MORC1: variants seen among roughly 807,000 people sequenced by gnomAD.
MORC1 encodes the protein MORC family CW-type zinc finger protein 1.
A neutral mutation model predicts 134.9 loss-of-function variants in MORC1; 59 were observed. The observed-to-expected ratio is 0.44, with a 90% CI of 0.35 to 0.54. MORC1 has a LOEUF of 0.54. Ranked by LOEUF, MORC1 falls within the 20% of genes least tolerant of loss-of-function variation. MORC1 has a pLI of 0.00. For synonymous variants in MORC1, 395 were observed against 391.7 expected (o/e 1.01, Z -0.10); for missense variants, 947 against 1,134.5 (o/e 0.83, Z 2.37).
At chr3:109,034,739 C>T (rs2107614813) in intron 15 of MORC1, among the ~76,000 whole-genome samples, 1 of 124,182 alleles carries the variant, frequency 8.1e-6, no homozygotes, top group Middle Eastern at 3.7e-3. Context: ...TATCAAAATT[C>T]TATTTTAATT....
intron 19 of MORC1, 47 bp from the exon 20 acceptor site, chr3:109,004,935 T>C: frequency 1.3e-6 from 2 of 1,589,940 alleles, no homozygotes; most frequent in African/African-American, 1.4e-5. Context: ...ATTGGGACCT[T>C]GTCCAGGAAA....
chr3:109,033,265 G>C (rs2107610907), intron 15 of MORC1, among the ~76,000 whole-genome samples: 1 of 149,974 alleles, frequency 6.7e-6, no homozygotes, highest in Non-Finnish European at 1.5e-5. Flanking sequence ...CTGAAAGAAA[G>C]AAAGAAGGAA....
At chr3:109,037,234 C>A (rs1228334867) in intron 14 of MORC1, among the ~76,000 whole-genome samples, 4 of 152,284 alleles carry the variant, frequency 2.6e-5, no homozygotes, top group South Asian at 2.1e-4. Flanking sequence ...TTAAATGTTT[C>A]TTTCTAAGAA....
chr3:109,104,838 G>A (rs1055792803), intron 3 of MORC1, among the ~76,000 whole-genome samples: 6 of 147,882 alleles, frequency 4.1e-5, no homozygotes, highest in African/African-American at 1.5e-4. Flanking sequence ...AACTGCACAT[G>A]TTTAAAGTGC....
At chr3:109,065,974 T>A (rs969713986) in intron 9 of MORC1, among the ~76,000 whole-genome samples, 1 of 151,876 alleles carries the variant, frequency 6.6e-6, no homozygotes, top group South Asian at 2.1e-4. Flanking sequence ...TGAGCACACA[T>A]GGACATAAAC....
chr3:109,031,148 G>A (rs916882041), intron 16 of MORC1, among the ~76,000 whole-genome samples: 6 of 152,168 alleles, frequency 3.9e-5, no homozygotes, highest in African/African-American at 1.4e-4. Context: ...CAGCTTCCCA[G>A]TTCTGTAGGT....
chr3:108,969,802 C>T lies in MORC1; in HGVS notation c.2551-80G>A, dbSNP rs1206504315. 1.2e-5 allele frequency: 16 copies of T among 1,368,834 alleles called. 1 individual carries two copies. In the East Asian group the frequency reaches 3.7e-4, roughly 31 times the overall value. The allele number at this position is 1,368,834 out of a possible 1,614,324, so 84.8% of individuals were successfully genotyped here. ...CTACAGCAGAGTTATATCACACAAGCATTGAGTATAAAAAGCATCAAAGCC... is the reference window on the plus strand; with the variant it reads ...CTACAGCAGAGTTATATCACACAAGTATTGAGTATAAAAAGCATCAAAGCC... On this transcript the variant is annotated intron_variant, in intron 25 of 27. Transcript: ENST00000232603.
intron 8 of MORC1, among the ~76,000 whole-genome samples, chr3:109,082,863 T>C (rs1036230484): frequency 1.3e-5 from 2 of 152,076 alleles, no homozygotes; most frequent in Admixed American, 1.3e-4. Context: ...GAAAGCTTAC[T>C]CAAAGAAATA....
chr3:109,063,290 C>T, intron 9 of MORC1, 59 bp from the exon 10 acceptor site: 2 of 1,131,844 alleles, frequency 1.8e-6, no homozygotes, highest in Non-Finnish European at 1.3e-6. Context: ...ATACATAAGA[C>T]AATATTCTTT....
At chr3:108,995,658 T>C (rs1948181702) in intron 21 of MORC1, among the ~76,000 whole-genome samples, 1 of 152,140 alleles carries the variant, frequency 6.6e-6, no homozygotes, top group Admixed American at 6.5e-5. Context: ...GACTCTAGCT[T>C]GACTAGAAGG....
chr3:108,961,066 C>A (rs1431898107), intron 27 of MORC1, among the ~76,000 whole-genome samples: 2 of 152,188 alleles, frequency 1.3e-5, no homozygotes, highest in African/African-American at 4.8e-5. Context: ...GCTGACTGAT[C>A]TAAATCTCAT....
At chr3:109,012,538 A>G (rs1320228731) in intron 17 of MORC1, among the ~76,000 whole-genome samples, 1 of 152,194 alleles carries the variant, frequency 6.6e-6, no homozygotes, top group Non-Finnish European at 1.5e-5. Flanking sequence ...TTGACTCTTC[A>G]AACTCATGAC....
chr3:109,018,031 T>C (rs1404965495), intron 17 of MORC1, among the ~76,000 whole-genome samples: 1 of 152,110 alleles, frequency 6.6e-6, no homozygotes, highest in Non-Finnish European at 1.5e-5. Flanking sequence ...GCAGCAGAAA[T>C]GGAGATTCCA....
At chr3:109,067,509 C>T (rs958866117) in intron 9 of MORC1, among the ~76,000 whole-genome samples, 1 of 152,148 alleles carries the variant, frequency 6.6e-6, no homozygotes, top group Non-Finnish European at 1.5e-5. Context: ...GTAGATTACA[C>T]TCAATTTACT....
intron 17 of MORC1, among the ~76,000 whole-genome samples, chr3:109,020,181 T>C (rs1251238646): frequency 6.6e-6 from 1 of 152,248 alleles, no homozygotes; most frequent in African/African-American, 2.4e-5. Flanking sequence ...CTAGATCTGC[T>C]CCTGTTCAGA....
intron 3 of MORC1, among the ~76,000 whole-genome samples, chr3:109,108,318 G>T (rs1008094082): frequency 2.6e-5 from 4 of 152,184 alleles, no homozygotes; most frequent in Non-Finnish European, 4.4e-5. Flanking sequence ...CTGGTCTCCA[G>T]TCACAAACCC....
chr3:109,094,768 G>A (rs1950795918), intron 7 of MORC1, 141 bp downstream of exon 7: 10 of 765,586 alleles, frequency 1.3e-5, no homozygotes, highest in Non-Finnish European at 1.9e-5. Context: ...AAGCTCATAT[G>A]GATAAAATAA....
chr3:109,085,350 A>T (rs993930840), intron 8 of MORC1, among the ~76,000 whole-genome samples: 2 of 152,198 alleles, frequency 1.3e-5, no homozygotes, highest in African/African-American at 4.8e-5. Flanking sequence ...AAATATTTGC[A>T]AACTATCCAC....
chr3:108,990,969 A>G (rs987134584), intron 21 of MORC1, among the ~76,000 whole-genome samples: 1 of 151,810 alleles, frequency 6.6e-6, no homozygotes, highest in African/African-American at 2.4e-5. Context: ...ATGACCTGAT[A>G]TTATATTACA....
Sources: gnomAD v4.1 joint callset for allele counts (sites outside exome capture counted in the v4.1 genomes callset) on GRCh38, gnomAD v4.1.1 for gene constraint, MANE v1.5 for transcripts, NCBI Gene and HGNC (gene_info 2026-07-23, HGNC 2026-07-21) for gene names.